Variants in BCL2 observed in about 807,000 individuals in gnomAD.
BCL2 encodes apoptosis regulator Bcl-2.
In BCL2, 1 loss-of-function variant was observed where a neutral mutation model predicts 14.2. The ratio of observed to expected loss-of-function variants is 0.07; its 90% CI spans 0.02 to 0.33. The LOEUF (loss-of-function observed/expected upper bound fraction) is 0.33, where lower values mean the gene tolerates loss of function less well. Among genes scored for constraint, BCL2 ranks in the 10% least tolerant of loss-of-function variants. The pLI is 0.99. For synonymous variants in BCL2, 151 were observed against 137.2 expected, an observed-to-expected ratio of 1.10 and a Z score of -0.70; for missense variants, 247 against 305.9, an observed-to-expected ratio of 0.81 and a Z score of 1.44.
chr18:63,142,728 G>C (rs553164285), intron 2 of BCL2, among the ~76,000 whole-genome samples: 1 of 152,214 alleles, frequency 6.6e-6, no homozygotes. Flanking sequence ...TGCTCTGGGG[G>C]ACAAGGGGAG....
chr18:63,261,027 C>T (rs1345318288), intron 2 of BCL2, among the ~76,000 whole-genome samples: 1 of 152,164 alleles, frequency 6.6e-6, no homozygotes, highest in African/African-American at 2.4e-5. Flanking sequence ...CATTCCTTCT[C>T]GAGGGGCTGC....
In BCL2 at chr18:63,239,908, C is replaced by T. The variant is rs80096940; in HGVS notation, c.585+78174G>A. Among the ~76,000 whole-genome samples, 405 of 152,302 alleles carry T rather than the reference C, an allele frequency of 2.7e-3. 1 individual carries two copies. The highest frequency in any genetic ancestry group is 4.5e-3 in the Non-Finnish European group (307 of 68,018). ...TTACCAAAATCTCAGTTCACACTCGCATGCATTGTGGAGAAGAGAGAGATG... is the reference window on the plus strand; with the variant it reads ...TTACCAAAATCTCAGTTCACACTCGTATGCATTGTGGAGAAGAGAGAGATG... On this transcript the variant is annotated intron_variant, in intron 2 of 2. Transcript: ENST00000333681.
At chr18:63,273,686 C>T (rs1327421249) in intron 2 of BCL2, among the ~76,000 whole-genome samples, 1 of 152,142 alleles carries the variant, frequency 6.6e-6, no homozygotes, top group East Asian at 1.9e-4. Flanking sequence ...CCTCCCAGTT[C>T]TAACCGGTCA....
intron 2 of BCL2, among the ~76,000 whole-genome samples, chr18:63,204,677 T>C (rs1319254267): frequency 1.3e-5 from 2 of 152,226 alleles, no homozygotes; most frequent in African/African-American, 2.4e-5. Context: ...TAATCTGTTA[T>C]GCAGCTAATT....
chr18:63,239,540 GA>G (rs1296828095), intron 2 of BCL2, among the ~76,000 whole-genome samples: 6 of 152,146 alleles, frequency 3.9e-5, no homozygotes, highest in Admixed American at 3.9e-4. Flanking sequence ...TCAGGAGTTT[GA>G]GACCAGCCTG....
intron 2 of BCL2, among the ~76,000 whole-genome samples, chr18:63,133,745 A>G (rs1054484883): frequency 5.3e-5 from 8 of 152,236 alleles, no homozygotes; most frequent in Non-Finnish European, 1.0e-4. Flanking sequence ...ATGCCCAGGT[A>G]AAGGTAAACA....
intron 2 of BCL2, among the ~76,000 whole-genome samples, chr18:63,273,058 A>G (rs1287115934): frequency 1.3e-5 from 2 of 152,124 alleles, no homozygotes; most frequent in East Asian, 3.9e-4. Context: ...GGAAGATTTG[A>G]TAATGCAGCA....
In BCL2 at chr18:63,149,853, ATTTAT is replaced by A. The variant is rs1292455796; in HGVS notation, c.586-21099_586-21095del. Among the ~76,000 whole-genome samples the A allele has an allele frequency of 3.3e-5, 3 of 90,074 alleles. No individual in the cohort carries two copies. Among genetic ancestry groups the A allele is most frequent in the Non-Finnish European group, 8.6e-5 (3 of 34,870 alleles). 59.1% of individuals were successfully genotyped at this position (90,074 alleles called of 152,430 possible). On this transcript the variant is annotated intron_variant, in intron 2 of 2. Transcript: ENST00000333681. The surrounding 1 kb of genome is among the most constrained non-coding windows in gnomAD (Gnocchi z 4.2). ...TTCTCCTGACATGAGGCATTTATTT[ATTTAT>A]TTATTTATTTATTTATTTATTTATT...
chr18:63,296,586 G>A (rs760343953), intron 2 of BCL2, among the ~76,000 whole-genome samples: 37 of 152,170 alleles, frequency 2.4e-4, no homozygotes, highest in Non-Finnish European at 4.9e-4. Context: ...TTACAGGCAT[G>A]AGCCACCACG....
At chr18:63,276,575 AT>A (rs1301390628) in intron 2 of BCL2, among the ~76,000 whole-genome samples, 4 of 152,164 alleles carry the variant, frequency 2.6e-5, no homozygotes, top group Non-Finnish European at 5.9e-5. Flanking sequence ...TTCCTCCATG[AT>A]TTTCATAAAT....
chr18:63,296,739 G>A (rs1041010029), intron 2 of BCL2, among the ~76,000 whole-genome samples: 4 of 152,196 alleles, frequency 2.6e-5, no homozygotes, highest in Non-Finnish European at 5.9e-5. Context: ...GACAATGGGA[G>A]CCACAAGAAC....
intron 2 of BCL2, among the ~76,000 whole-genome samples, chr18:63,273,427 G>A (rs1912058220): frequency 6.6e-6 from 1 of 152,002 alleles, no homozygotes; most frequent in African/African-American, 2.4e-5. Flanking sequence ...AGCAGTTCAA[G>A]GAAAAAGCAC....
At chr18:63,233,607 C>T (rs1171840141) in intron 2 of BCL2, among the ~76,000 whole-genome samples, 4 of 152,162 alleles carry the variant, frequency 2.6e-5, no homozygotes, top group Non-Finnish European at 4.4e-5. Flanking sequence ...AATCTAATGC[C>T]GTGGCTGATC....
At chr18:63,213,833 C>A (rs777499420) in intron 2 of BCL2, among the ~76,000 whole-genome samples, 1 of 152,010 alleles carries the variant, frequency 6.6e-6, no homozygotes, top group East Asian at 1.9e-4. Flanking sequence ...AGAGTTCTCT[C>A]GACGGCAGAA....
At chr18:63,181,930 G>T (rs978699756) in intron 2 of BCL2, among the ~76,000 whole-genome samples, 2 of 152,168 alleles carry the variant, frequency 1.3e-5, no homozygotes, top group Non-Finnish European at 2.9e-5. Context: ...GTCAGAGATG[G>T]GGCAGGCACA....
chr18:63,276,341 A>G (rs1912152940), intron 2 of BCL2, among the ~76,000 whole-genome samples: 1 of 136,708 alleles, frequency 7.3e-6, no homozygotes, highest in African/African-American at 2.7e-5. Flanking sequence ...AAAACCCAAA[A>G]TGCTTGAAAA....
intron 2 of BCL2, among the ~76,000 whole-genome samples, chr18:63,224,890 G>C (rs890439526): frequency 7.2e-5 from 11 of 151,994 alleles, no homozygotes; most frequent in African/African-American, 2.7e-4. Flanking sequence ...TCAAACAATG[G>C]GGTAAAACAA....
intron 2 of BCL2, among the ~76,000 whole-genome samples, chr18:63,259,657 C>G (rs1044191289): frequency 6.6e-6 from 1 of 152,206 alleles, no homozygotes; most frequent in African/African-American, 2.4e-5. Flanking sequence ...TACCCACCTA[C>G]GTGGTTATCA....
intron 2 of BCL2, among the ~76,000 whole-genome samples, chr18:63,134,073 G>T (rs1282334898): frequency 6.6e-6 from 1 of 152,112 alleles, no homozygotes; most frequent in African/African-American, 2.4e-5. Context: ...ATACATGTGC[G>T]CGTTTACAAA....
Sources: allele counts gnomAD v4.1 joint callset (sites outside exome capture counted in the v4.1 genomes callset), GRCh38; gene constraint gnomAD v4.1.1; non-coding constraint Gnocchi (gnomAD v3.1); transcripts MANE v1.5; gene names NCBI Gene and HGNC (gene_info 2026-07-23, HGNC 2026-07-21).